The following SNRK variants were observed in gnomAD, a reference collection of about 807,000 sequenced individuals.
SNRK encodes SNF-related serine/threonine-protein kinase.
Under a neutral mutation model 48.2 loss-of-function variants are expected in SNRK, and 3 were observed. That is an observed-to-expected ratio of 0.06 (90% confidence interval 0.03 to 0.16). The LOEUF is 0.16. Among genes scored for constraint, SNRK ranks in the 10% least tolerant of loss-of-function variants. The pLI is 1.00. For synonymous variants in SNRK, 376 were observed against 366.1 expected (o/e 1.03, Z -0.31); for missense variants, 627 against 976.0 (o/e 0.64, Z 4.76).
intron 3 of SNRK, among the ~76,000 whole-genome samples, chr3:43,322,968 A>G (rs1251304555): frequency 6.6e-6 from 1 of 150,942 alleles, no homozygotes; most frequent in East Asian, 1.9e-4. Flanking sequence ...AAAAAAAAAG[A>G]CTGTATTGGC....
intron 2 of SNRK, among the ~76,000 whole-genome samples, chr3:43,302,291 C>T (rs1364018349): frequency 6.6e-6 from 1 of 152,118 alleles, no homozygotes; most frequent in Admixed American, 6.5e-5. Context: ...ATGTTAAGCA[C>T]CTACTATGTG....
chr3:43,292,145 TG>T (rs1163715530), intron 1 of SNRK, among the ~76,000 whole-genome samples: 1 of 152,222 alleles, frequency 6.6e-6, no homozygotes, highest in African/African-American at 2.4e-5. Context: ...CAAAAATCCA[TG>T]GTTTTGCTTT....
chr3:43,306,894 T>C (rs535106369), intron 3 of SNRK, among the ~76,000 whole-genome samples: 2 of 152,348 alleles, frequency 1.3e-5, no homozygotes, highest in East Asian at 3.9e-4. Context: ...TTTAGTACAT[T>C]GAAGTTAATT....
At chr3:43,333,112 G>A (rs1033195728) in intron 4 of SNRK, 2 of 152,030 alleles carry the variant, frequency 1.3e-5, no homozygotes, top group African/African-American at 2.4e-5. Flanking sequence ...TCAGGTGGAT[G>A]TTTAAGAACT....
intron 3 of SNRK, among the ~76,000 whole-genome samples, chr3:43,311,060 A>C (rs906740086): frequency 6.6e-6 from 1 of 152,098 alleles, no homozygotes; most frequent in Non-Finnish European, 1.5e-5. Flanking sequence ...GCTAACTGGG[A>C]AGCCCTGGTA....
At chr3:43,331,698 G>A (rs373464220) in intron 3 of SNRK, among the ~76,000 whole-genome samples, 4 of 151,996 alleles carry the variant, frequency 2.6e-5, no homozygotes, top group Non-Finnish European at 5.9e-5. Flanking sequence ...ATTTTCTTGC[G>A]TATAAAATGA....
chr3:43,303,805 G>C lies in SNRK; in HGVS notation c.589+13G>C, dbSNP rs755557852. 1.3e-6 allele frequency: 2 copies of C among 1,573,540 alleles called. No individual in the cohort carries two copies. Among genetic ancestry groups the C allele is most frequent in the Admixed American group, 1.7e-5 (1 of 58,592 alleles). ...GCACCTGCAGTAGGTAGGTAACCTCGGTCCAGTATTTGGCCATTTGAATTC... is the reference window on the plus strand; with the variant it reads ...GCACCTGCAGTAGGTAGGTAACCTCCGTCCAGTATTTGGCCATTTGAATTC... On this transcript the variant is annotated intron_variant, in intron 3 of 6. Coordinates refer to ENST00000296088, the MANE Select transcript of SNRK (RefSeq NM_017719.5). The surrounding 1 kb of genome is among the most constrained non-coding windows in gnomAD (Gnocchi z 6.2).
In SNRK at chr3:43,349,262, A is replaced by C. The variant is rs2091303964; in HGVS notation, c.*705A>C. 1 of 152,662 alleles carries C rather than the reference A, an allele frequency of 6.6e-6. No homozygotes were observed. The highest frequency in any genetic ancestry group is 6.5e-5 in the Admixed American group (1 of 15,292). 9.5% of individuals were successfully genotyped at this position (152,662 alleles called of 1,614,324 possible). A position where few individuals can be genotyped will look rare whatever the true frequency, so the allele number is the denominator to read the frequency against. On this transcript the variant is annotated 3_prime_UTR_variant, in exon 7 of 7. Transcript: ENST00000296088. ...TAAGGCAGCTTCCCCTGTAGTGATAAATTACAAGCAGACAATCTTATTTTG... is the reference window on the plus strand; with the variant it reads ...TAAGGCAGCTTCCCCTGTAGTGATACATTACAAGCAGACAATCTTATTTTG...
intron 3 of SNRK, among the ~76,000 whole-genome samples, chr3:43,318,895 G>A (rs542867282): frequency 2.8e-4 from 43 of 152,240 alleles, no homozygotes; most frequent in African/African-American, 1.0e-3. Flanking sequence ...AGGCGTGGTA[G>A]CGCATGCATG....
At position 43,303,052 on chromosome 3, in the gene SNRK, A is replaced by G. The variant is rs1223349245; in HGVS notation, c.-106-46A>G. 5.8e-6 allele frequency: 3 copies of G among 516,184 alleles called. No homozygotes were observed. Among genetic ancestry groups the G allele is most frequent in the Admixed American group, 7.5e-5 (2 of 26,752 alleles). The allele number at this position is 516,184 out of a possible 1,614,324, so 32.0% of individuals were successfully genotyped here. On this transcript the variant is annotated intron_variant, in intron 2 of 6. Transcript: ENST00000296088. This position sits in a 1 kb window ranked among gnomAD's most constrained non-coding sequence, Gnocchi z 6.2. Reference sequence around the variant, plus strand: ...AATGAAGTGATTTTAAAGTTTGTGAAGAAAAGTCGCAGAAACTTAATTTTG... The same window carrying G: ...AATGAAGTGATTTTAAAGTTTGTGAGGAAAAGTCGCAGAAACTTAATTTTG...
At chr3:43,336,545 T>C (rs1408936381) in intron 4 of SNRK, among the ~76,000 whole-genome samples, 2 of 152,166 alleles carry the variant, frequency 1.3e-5, no homozygotes, top group Non-Finnish European at 2.9e-5. Context: ...TTGCCCAGAC[T>C]GTTCTTGAAC....
At chr3:43,312,174 A>C (rs1367193197) in intron 3 of SNRK, among the ~76,000 whole-genome samples, 2 of 152,170 alleles carry the variant, frequency 1.3e-5, no homozygotes, top group Non-Finnish European at 2.9e-5. Flanking sequence ...CAGTCTCTGC[A>C]TTAATTCTTA....
intron 1 of SNRK, among the ~76,000 whole-genome samples, chr3:43,293,657 G>T (rs886073815): frequency 6.6e-6 from 1 of 152,044 alleles, no homozygotes; most frequent in African/African-American, 2.4e-5. Flanking sequence ...CTCACCCCTT[G>T]TAATCCCAGC....
At chr3:43,311,554 G>T (rs923097731) in intron 3 of SNRK, among the ~76,000 whole-genome samples, 1 of 152,188 alleles carries the variant, frequency 6.6e-6, no homozygotes, top group African/African-American at 2.4e-5. Context: ...AAGGATCTGT[G>T]TGAAAAATCC....
At chr3:43,290,125 T>G (rs568564846) in intron 1 of SNRK, among the ~76,000 whole-genome samples, 1 of 152,292 alleles carries the variant, frequency 6.6e-6, no homozygotes, top group South Asian at 2.1e-4. Context: ...TGCAGTTATC[T>G]CTCTTAAACC....
At chr3:43,307,148 G>T (rs540541407) in intron 3 of SNRK, among the ~76,000 whole-genome samples, 2 of 151,936 alleles carry the variant, frequency 1.3e-5, no homozygotes, top group African/African-American at 4.8e-5. Flanking sequence ...TGTGAATTTT[G>T]TAATTTAACC....
intron 3 of SNRK, 72 bp from the exon 4 acceptor site, chr3:43,332,097 T>A: frequency 8.6e-7 from 1 of 1,158,502 alleles, no homozygotes; most frequent in African/African-American, 1.6e-5. Context: ...TAAAATAATA[T>A]TGTTAGCGCA....
intron 6 of SNRK, among the ~76,000 whole-genome samples, chr3:43,345,978 C>G (rs2091272427): frequency 6.6e-6 from 1 of 152,304 alleles, no homozygotes; most frequent in South Asian, 2.1e-4. Flanking sequence ...CTGACTGTGT[C>G]CGGGGCCTGT....
intron 3 of SNRK, among the ~76,000 whole-genome samples, chr3:43,326,419 T>G (rs1301966333): frequency 6.6e-6 from 1 of 152,066 alleles, no homozygotes; most frequent in African/African-American, 2.4e-5. Flanking sequence ...AGCAAACTTG[T>G]GTTGAGCAGG....
Sources: allele counts gnomAD v4.1 joint callset (sites outside exome capture counted in the v4.1 genomes callset), GRCh38; gene constraint gnomAD v4.1.1; non-coding constraint Gnocchi (gnomAD v3.1); transcripts MANE v1.5; gene names NCBI Gene and HGNC (gene_info 2026-07-23, HGNC 2026-07-21).